The following UNC79 variants were observed in gnomAD, a reference collection of about 807,000 sequenced individuals.
UNC79 encodes the protein protein unc-79 homolog.
In UNC79, 37 loss-of-function variants were observed where a neutral mutation model predicts 283.1. The ratio of observed to expected loss-of-function variants is 0.13; its 90% CI spans 0.10 to 0.17. UNC79 has a LOEUF of 0.17. Among genes scored for constraint, UNC79 ranks in the 10% least tolerant of loss-of-function variants. The pLI is 1.00. For missense variants in UNC79, 2,272 were observed against 3,211.1 expected, an observed-to-expected ratio of 0.71 and a Z score of 7.07; for synonymous variants, 1,107 against 1,200.2, an observed-to-expected ratio of 0.92 and a Z score of 1.61.
rs147778241 is a variant in UNC79, at chr14:93,597,681, T to C, written c.3372+141T>C. 8.0e-5 allele frequency: 80 copies of C among 1,000,448 alleles called. 1 individual carries two copies. The East Asian group carries it at 2.0e-3, about 25-fold the overall frequency. The allele number at this position is 1,000,448 out of a possible 1,614,324, so 62.0% of individuals were successfully genotyped here. A position where few individuals can be genotyped will look rare whatever the true frequency, so the allele number is the denominator to read the frequency against. On this transcript the variant is annotated intron_variant, in intron 24 of 48. Transcript: ENST00000555664. The stretch of plus-strand genomic sequence containing the variant: ...CTGGGTAGTTTATAAACAACAGAAA[T>C]TTATTTCGCAGATTGTCTGCCGAGG...
At chr14:93,590,289 T>C (rs561899512) in intron 22 of UNC79, among the ~76,000 whole-genome samples, 1 of 152,088 alleles carries the variant, frequency 6.6e-6, no homozygotes, top group Non-Finnish European at 1.5e-5. Context: ...AGGTGGAGGA[T>C]CTATAGAAGT....
rs33917214 is a variant in UNC79 at position 93,566,639 on chromosome 14, AT to A, written c.1756-5238del. 1.8e-3 allele frequency among the ~76,000 whole-genome samples: 248 copies of A among 136,248 alleles called. 1 individual carries two copies. Among genetic ancestry groups the A allele is most frequent in the Middle Eastern group, 7.6e-3 (2 of 262 alleles). 89.4% of individuals were successfully genotyped at this position (136,248 alleles called of 152,430 possible). A position where few individuals can be genotyped will look rare whatever the true frequency, so the allele number is the denominator to read the frequency against. Reference sequence around the variant, plus strand: ...GGATACCCTTAGGCCAGTTTCTGGAATTTTTTTTTTTTTTTTTGAGACGGAA... The same window carrying A: ...GGATACCCTTAGGCCAGTTTCTGGAATTTTTTTTTTTTTTTTGAGACGGAA... On this transcript the variant is annotated intron_variant, in intron 14 of 48. Transcript: ENST00000555664.
At chr14:93,541,016 T>G (rs2061345685) in intron 13 of UNC79, among the ~76,000 whole-genome samples, 185 bp downstream of exon 13, 1 of 152,216 alleles carries the variant, frequency 6.6e-6, no homozygotes, top group Admixed American at 6.5e-5. Context: ...AGGAAAGCTT[T>G]TAAAAACTAA....
chr14:93,479,619 C>CCT lies in UNC79; in HGVS notation c.619+1908_619+1909dup, dbSNP rs1000571473. Among the ~76,000 whole-genome samples, 24 of 150,614 alleles carry CCT rather than the reference C, an allele frequency of 1.6e-4. 1 individual carries two copies. Among genetic ancestry groups the CCT allele is most frequent in the East Asian group, 7.8e-4 (4 of 5,138 alleles). On this transcript the variant is annotated intron_variant, in intron 4 of 48. Coordinates refer to ENST00000555664, the Ensembl canonical transcript of UNC79. ...GGCTTCCTCCTTCCCTTCCTCCCTT[C>CCT]CTCTCTCTCTCTCTCTCTTTTCTTT...
intron 7 of UNC79, among the ~76,000 whole-genome samples, chr14:93,513,499 A>C (rs1243939886): frequency 6.6e-6 from 1 of 152,064 alleles, no homozygotes; most frequent in East Asian, 1.9e-4. Context: ...GATTACAGAC[A>C]TGAGACCCTG....
At chr14:93,611,134 G>C (rs182807984) in intron 26 of UNC79, among the ~76,000 whole-genome samples, 12 of 152,018 alleles carry the variant, frequency 7.9e-5, no homozygotes, top group African/African-American at 2.9e-4. Flanking sequence ...ACAATTTATT[G>C]ATCACCCTGC....
chr14:93,371,483 C>G (rs1326758864), intron 1 of UNC79, among the ~76,000 whole-genome samples: 2 of 151,798 alleles, frequency 1.3e-5, no homozygotes, highest in Non-Finnish European at 2.9e-5. Flanking sequence ...TCAATGAAAA[C>G]GCAGAAAAAA....
intron 1 of UNC79, chr14:93,347,525 T>C: frequency 9.0e-7 from 1 of 1,109,340 alleles, no homozygotes; most frequent in Non-Finnish European, 1.2e-6. Flanking sequence ...TGGTCGCCGT[T>C]GGGGGAGGTT....
intron 40 of UNC79, 118 bp downstream of exon 43, chr14:93,662,832 A>G: frequency 1.6e-6 from 1 of 641,550 alleles, no homozygotes; most frequent in South Asian, 2.5e-5. Context: ...AAAAATGAGT[A>G]ATTCTACTGA....
chr14:93,617,255 C>G lies in UNC79; in HGVS notation c.4175C>G (p.Pro1392Arg). The G allele has an allele frequency of 1.2e-6, 2 of 1,614,188 alleles. No individual in the cohort carries two copies. The highest frequency in any genetic ancestry group is 1.7e-6 in the Non-Finnish European group (2 of 1,180,038). The stretch of plus-strand genomic sequence containing the variant: ...CGTTGCTCCCTCTGGTCCCTAAAGC[C>G]TCACATCCGGCAGATGTGGTTGAAG... The change falls in exon 28 of 49, where the codon CCT (proline) becomes CGT (arginine). Residue 1392 changes from proline to arginine, a missense_variant. This residue lies in a region of UNC79 where 128 missense variants were observed against 230.3 expected (regional missense o/e 0.56). Coordinates refer to ENST00000555664, the Ensembl canonical transcript of UNC79. This position sits in a 1 kb window ranked among gnomAD's most constrained non-coding sequence, Gnocchi z 4.5.
At chr14:93,580,857 C>G (rs2063754336) in intron 19 of UNC79, among the ~76,000 whole-genome samples, 1 of 152,108 alleles carries the variant, frequency 6.6e-6, no homozygotes, top group Admixed American at 6.5e-5. Flanking sequence ...AGGTGCCCAC[C>G]ACCATGCCTG....
Position 93,474,660 on chromosome 14 carries a change from C to A in UNC79, c.448+267C>A, listed in dbSNP as rs951281948. Among the ~76,000 whole-genome samples, 3 of 152,226 alleles carry A rather than the reference C, an allele frequency of 2.0e-5. No homozygotes were observed. The highest frequency in any genetic ancestry group is 2.0e-4 in the Admixed American group (3 of 15,288). ...AGGAAGATGTATAACAAGAAATTTT[C>A]TCTTCTTTCCTGATCAGTTATCATG... On this transcript the variant is annotated intron_variant, in intron 3 of 48. Coordinates refer to ENST00000555664, the Ensembl canonical transcript of UNC79. The surrounding 1 kb of genome is among the most constrained non-coding windows in gnomAD (Gnocchi z 4.1).
intron 1 of UNC79, among the ~76,000 whole-genome samples, chr14:93,466,587 T>G (rs1381983344): frequency 3.3e-5 from 5 of 152,230 alleles, no homozygotes; most frequent in Non-Finnish European, 5.9e-5. Flanking sequence ...CCCACACTTA[T>G]CAAAAGGATT....
intron 1 of UNC79, chr14:93,464,463 C>T (rs1052215775): frequency 4.4e-6 from 2 of 453,314 alleles, no homozygotes; most frequent in Non-Finnish European, 8.9e-6. Flanking sequence ...GATTAGGGTC[C>T]ACCACGGAAA....
chr14:93,448,798 T>C (rs2056544600), intron 1 of UNC79, among the ~76,000 whole-genome samples: 1 of 152,202 alleles, frequency 6.6e-6, no homozygotes, highest in South Asian at 2.1e-4. Flanking sequence ...GGTTCAGGGG[T>C]CAGTCAAAGA....
chr14:93,497,725 T>C (rs1282322384), intron 7 of UNC79, among the ~76,000 whole-genome samples: 3 of 152,194 alleles, frequency 2.0e-5, no homozygotes, highest in Non-Finnish European at 2.9e-5. Context: ...CAGTGGCTCA[T>C]GCCTGTAATA....
At chr14:93,592,594 A>G (rs1424719129) in intron 22 of UNC79, among the ~76,000 whole-genome samples, 1 of 152,206 alleles carries the variant, frequency 6.6e-6, no homozygotes, top group Non-Finnish European at 1.5e-5. Context: ...CAATCCATGT[A>G]TAAGTGGACC....
chr14:93,670,353 T>C (rs1218535655), intron 40 of UNC79, among the ~76,000 whole-genome samples: 1 of 152,258 alleles, frequency 6.6e-6, no homozygotes, highest in Non-Finnish European at 1.5e-5. Flanking sequence ...TTGCAGGCTC[T>C]GGTTGTTTTA....
At chr14:93,701,986 C>G (rs1008150823) in intron 47 of UNC79, among the ~76,000 whole-genome samples, 1 of 152,152 alleles carries the variant, frequency 6.6e-6, no homozygotes, top group African/African-American at 2.4e-5. Context: ...TCTCAAGTCC[C>G]TCACAATTCT....
Sources: allele counts gnomAD v4.1 joint callset (sites outside exome capture counted in the v4.1 genomes callset), GRCh38; gene constraint gnomAD v4.1.1; regional missense constraint gnomAD v4.1.1; non-coding constraint Gnocchi (gnomAD v3.1); transcripts MANE v1.5; gene names NCBI Gene and HGNC (gene_info 2026-07-23, HGNC 2026-07-21).